The following CCDC138 variants were observed in gnomAD, a reference collection of about 807,000 sequenced individuals.
The protein encoded by CCDC138 is coiled-coil domain containing 138.
CCDC138 carries 66 observed loss-of-function variants against 82.3 expected under a neutral mutation model. The observed-to-expected ratio is 0.80, with a 90% CI of 0.66 to 0.98. CCDC138 has a LOEUF of 0.98. CCDC138 is among the 50% of genes least tolerant of loss of function. The pLI is 0.00. For synonymous variants in CCDC138, 297 were observed against 265.4 expected (o/e 1.12, Z -1.16); for missense variants, 816 against 758.9 (o/e 1.08, Z -0.88).
chr2:108,790,677 GGTGA>G (rs1679769186), intron 3 of CCDC138, among the ~76,000 whole-genome samples: 1 of 152,156 alleles, frequency 6.6e-6, no homozygotes, highest in South Asian at 2.1e-4. Context: ...CTGCAACCTG[GGTGA>G]CAGAGTGAGA....
At chr2:108,836,777 T>C (rs1473859447) in intron 10 of CCDC138, among the ~76,000 whole-genome samples, 2 of 152,210 alleles carry the variant, frequency 1.3e-5, no homozygotes, top group Non-Finnish European at 2.9e-5. Flanking sequence ...GTTTTTTACC[T>C]CCTTGCTTAG....
intron 13 of CCDC138, among the ~76,000 whole-genome samples, chr2:108,872,258 T>C (rs533391987): frequency 6.6e-6 from 1 of 152,134 alleles, no homozygotes; most frequent in Non-Finnish European, 1.5e-5. Flanking sequence ...CATCCTGCCA[T>C]TGGTGCCCAA....
At chr2:108,844,411 G>A (rs577145263) in intron 11 of CCDC138, among the ~76,000 whole-genome samples, 2 of 87,320 alleles carry the variant, frequency 2.3e-5, no homozygotes, top group African/African-American at 5.1e-5. Context: ...CTTTTTCTAT[G>A]TCTTCTTTGG....
chr2:108,794,059 GAA>G (rs1680430419), intron 4 of CCDC138, among the ~76,000 whole-genome samples: 1 of 152,116 alleles, frequency 6.6e-6, no homozygotes, highest in Admixed American at 6.5e-5. Flanking sequence ...CTGTTTAAAA[GAA>G]GAGGTTATAG....
chr2:108,857,066 CTTTTTTTTTTTTTTTTTTTT>C (rs35540493), intron 13 of CCDC138, 96 bp downstream of exon 13: 1 of 43,056 alleles, frequency 2.3e-5, no homozygotes, highest in African/African-American at 1.2e-4. Flanking sequence ...GATACTATTG[CTTTTTTTTTTTTTTTTTTTT>C]TTTTTTTTTT....
intron 10 of CCDC138, among the ~76,000 whole-genome samples, chr2:108,826,624 A>C (rs1382129972): frequency 1.3e-5 from 2 of 152,176 alleles, no homozygotes; most frequent in Non-Finnish European, 2.9e-5. Context: ...GTCTATCCTT[A>C]TGCCGGTGTC....
intron 6 of CCDC138, among the ~76,000 whole-genome samples, chr2:108,799,954 T>C (rs574421262): frequency 1.3e-5 from 2 of 152,164 alleles, no homozygotes; most frequent in South Asian, 2.1e-4. Context: ...TCAAGTTGTT[T>C]AAAAAATTTA....
Position 108,791,922 on chromosome 2 carries a change from C to T in CCDC138, c.394+120C>T, listed in dbSNP as rs975861305. 3.0e-6 allele frequency: 3 copies of T among 992,522 alleles called. No individual in the cohort carries two copies. In the Admixed American group the frequency reaches 9.9e-5, roughly 33 times the overall value. The allele number at this position is 992,522 out of a possible 1,614,324, so 61.5% of individuals were successfully genotyped here. ...AGTTTGCATATTTCTGTGTTCTGAA[C>T]TTCTGTAAGCTAGGAGATAGTTACT... On this transcript the variant is annotated intron_variant, in intron 4 of 14. Transcript: ENST00000295124.
chr2:108,790,510 A>G (rs1679730714), intron 3 of CCDC138, among the ~76,000 whole-genome samples: 1 of 152,276 alleles, frequency 6.6e-6, no homozygotes, highest in South Asian at 2.1e-4. Flanking sequence ...TGTAAGTGTC[A>G]TATACACACT....
chr2:108,868,298 A>G (rs1189992223), intron 13 of CCDC138, among the ~76,000 whole-genome samples: 2 of 152,108 alleles, frequency 1.3e-5, no homozygotes, highest in Non-Finnish European at 2.9e-5. Context: ...CTTTTTCCTT[A>G]TTACTGAAAG....
At chr2:108,870,060 AC>A (rs1410612385) in intron 13 of CCDC138, among the ~76,000 whole-genome samples, 1 of 152,246 alleles carries the variant, frequency 6.6e-6, no homozygotes, top group Non-Finnish European at 1.5e-5. Context: ...GGGAAGTGAT[AC>A]ATGAGCAAAA....
chr2:108,837,225 TTGAG>T (rs1688721818), intron 10 of CCDC138, among the ~76,000 whole-genome samples: 1 of 152,294 alleles, frequency 6.6e-6, no homozygotes, highest in African/African-American at 2.4e-5. Context: ...ATTAAGTTTG[TTGAG>T]TATTTTTATC....
intron 12 of CCDC138, 185 bp from the exon 13 acceptor site, chr2:108,856,609 C>G (rs954399158): frequency 1.2e-5 from 2 of 161,762 alleles, no homozygotes; most frequent in African/African-American, 4.8e-5. Flanking sequence ...ATAATGTCTC[C>G]TCTCTCCTTA....
At position 108,873,586 on chromosome 2, in the gene CCDC138, T is replaced by C; in HGVS notation, c.1829T>C (p.Ile610Thr). 6.3e-7 allele frequency: 1 copy of C among 1,577,728 alleles called. No homozygotes were observed. The highest frequency in any genetic ancestry group is 8.6e-7 in the Non-Finnish European group (1 of 1,156,116). The change falls in exon 14 of 15, where the codon ATC becomes ACC. Residue 610 changes from isoleucine to threonine, a missense_variant. Coordinates refer to ENST00000295124, the MANE Select transcript of CCDC138 (RefSeq NM_144978.3). ...ATTATTTTACAGAAACTTTCCAAAA[T>C]CAAGTAAGAATTTCTTATTTCTAAC... ...LSIILQKLSK[I>T]KSNKKLFELF...
chr2:108,882,025 G>T (rs1365197255), intron 1 of CCDC138, among the ~76,000 whole-genome samples: 1 of 151,992 alleles, frequency 6.6e-6, no homozygotes, highest in African/African-American at 2.4e-5. Flanking sequence ...ATAGTGGCAG[G>T]CGCTTGTAGT....
intron 10 of CCDC138, among the ~76,000 whole-genome samples, chr2:108,830,207 A>G (rs769272074): frequency 2.6e-5 from 4 of 152,216 alleles, no homozygotes; most frequent in Non-Finnish European, 5.9e-5. Context: ...TACCTAGAAT[A>G]GTCAAATTTA....
intron 13 of CCDC138, among the ~76,000 whole-genome samples, chr2:108,868,844 G>A (rs1694817672): frequency 6.6e-6 from 1 of 152,114 alleles, no homozygotes; most frequent in African/African-American, 2.4e-5. Context: ...AAGAATCTGG[G>A]TTTCTGATGA....
At position 108,861,472 on chromosome 2, in the gene CCDC138, C is replaced by CTTTTTTTTTT. The variant is rs201132350; in HGVS notation, c.1693+4519_1693+4528dup. Among the ~76,000 whole-genome samples the CTTTTTTTTTT allele has an allele frequency of 4.3e-4, 53 of 123,490 alleles. 6 individuals carry two copies. Among genetic ancestry groups the CTTTTTTTTTT allele is most frequent in the South Asian group, 2.7e-3 (10 of 3,642 alleles). The allele number at this position is 123,490 out of a possible 152,430, so 81.0% of individuals were successfully genotyped here. A position where few individuals can be genotyped will look rare whatever the true frequency, so the allele number is the denominator to read the frequency against. On this transcript the variant is annotated intron_variant, in intron 13 of 14. Coordinates refer to ENST00000295124, the MANE Select transcript of CCDC138 (RefSeq NM_144978.3). ...ACATTTAGCACTATAAACTTTCTTCCTTTTTTTTTTTTTTTTTTTTTTTTT... is the reference window on the plus strand; with the variant it reads ...ACATTTAGCACTATAAACTTTCTTCCTTTTTTTTTTTTTTTTTTTTTTTTTTTTTTTTTTT...
chr2:108,809,148 G>T (rs561592077), intron 7 of CCDC138, among the ~76,000 whole-genome samples: 1 of 152,194 alleles, frequency 6.6e-6, no homozygotes, highest in African/African-American at 2.4e-5. Context: ...TTATTTCTGA[G>T]TTCTCTATGC....
Sources: gnomAD v4.1 joint callset for allele counts (sites outside exome capture counted in the v4.1 genomes callset) on GRCh38, gnomAD v4.1.1 for gene constraint, MANE v1.5 for transcripts, NCBI Gene and HGNC (gene_info 2026-07-23, HGNC 2026-07-21) for gene names.